PEMT: variants seen among roughly 807,000 people sequenced by gnomAD.
The protein encoded by PEMT is phosphatidylethanolamine N-methyltransferase.
PEMT carries 23 observed loss-of-function variants against 27.4 expected under a neutral mutation model. The observed-to-expected ratio is 0.84, with a 90% CI of 0.60 to 1.19. The LOEUF (loss-of-function observed/expected upper bound fraction) is 1.19. Among genes scored for constraint, PEMT ranks in the 50% most tolerant of loss-of-function variants. The pLI, the probability that PEMT is intolerant of heterozygous loss-of-function variation, is 0.00. For synonymous variants in PEMT, 137 were observed against 139.1 expected, an observed-to-expected ratio of 0.98 and a Z score of 0.11; for missense variants, 307 against 310.1, an observed-to-expected ratio of 0.99 and a Z score of 0.07.
chr17:17,530,493 C>CA lies in PEMT; in HGVS notation c.205-8099dup, dbSNP rs202047141. ...CTGGGTGACAGAGAGACTCCGTCTC[C>CA]AAAAAAAAAGAGAGAGAACAAAGGA... is the stretch of plus-strand genomic sequence containing the variant. On this transcript the variant is annotated intron_variant, in intron 2 of 6. Transcript: ENST00000255389. 4.3e-3 allele frequency among the ~76,000 whole-genome samples: 639 copies of CA among 148,504 alleles called. 4 individuals carry two copies. Among genetic ancestry groups the CA allele is most frequent in the Non-Finnish European group, 7.0e-3 (470 of 66,930 alleles).
chr17:17,508,672 A>G, intron 5 of PEMT: 3 of 395,008 alleles, frequency 7.6e-6, no homozygotes, highest in Admixed American at 3.3e-5. Flanking sequence ...TATGAAGCCG[A>G]GGGCAGCGCC....
At chr17:17,544,897 C>T (rs1271399209) in intron 2 of PEMT, among the ~76,000 whole-genome samples, 1 of 152,202 alleles carries the variant, frequency 6.6e-6, no homozygotes, top group Non-Finnish European at 1.5e-5. Context: ...CCAGCTGCAG[C>T]ATTCTTACCA....
intron 1 of PEMT, among the ~76,000 whole-genome samples, chr17:17,590,422 C>A (rs1264274805): frequency 1.3e-5 from 2 of 152,194 alleles, no homozygotes; most frequent in Admixed American, 6.5e-5. Context: ...CCCTCCCTCG[C>A]AGATACGGCA....
At chr17:17,559,495 C>A (rs1910312140) in intron 2 of PEMT, among the ~76,000 whole-genome samples, 1 of 152,202 alleles carries the variant, frequency 6.6e-6, no homozygotes, top group Non-Finnish European at 1.5e-5. Flanking sequence ...GCCTGGGCAC[C>A]TGTGGAGAGG....
intron 3 of PEMT, among the ~76,000 whole-genome samples, chr17:17,515,756 C>T (rs1257652606): frequency 2.4e-4 from 37 of 152,222 alleles, no homozygotes; most frequent in Non-Finnish European, 1.5e-4. Context: ...TGACCACAAG[C>T]TCCCTAACAG....
At chr17:17,509,295 C>T in intron 5 of PEMT, 139 bp downstream of exon 5, 1 of 615,744 alleles carries the variant, frequency 1.6e-6, no homozygotes, top group Non-Finnish European at 2.9e-6. Context: ...AAGGGAGAAC[C>T]AGGGCGCCTA....
intron 2 of PEMT, among the ~76,000 whole-genome samples, chr17:17,527,970 C>A (rs1246370419): frequency 6.6e-6 from 1 of 152,158 alleles, no homozygotes; most frequent in African/African-American, 2.4e-5. Context: ...CAGCCAGGAC[C>A]CCCCCACCAC....
chr17:17,583,357 C>G (rs1473444649), intron 1 of PEMT, among the ~76,000 whole-genome samples: 1 of 152,186 alleles, frequency 6.6e-6, no homozygotes, highest in Non-Finnish European at 1.5e-5. Context: ...GCCTGGGCAA[C>G]AAGAGTGAAA....
chr17:17,529,054 G>A (rs866829976), intron 2 of PEMT, among the ~76,000 whole-genome samples: 9 of 152,360 alleles, frequency 5.9e-5, no homozygotes, highest in South Asian at 4.1e-4. Context: ...GATGGGGTGT[G>A]TTTGTGGGAG....
chr17:17,525,324 G>A (rs1474641979), intron 2 of PEMT, among the ~76,000 whole-genome samples: 3 of 152,154 alleles, frequency 2.0e-5, no homozygotes, highest in Non-Finnish European at 4.4e-5. Flanking sequence ...AGGAAACCAC[G>A]CCTTGCCTCC....
At chr17:17,563,155 C>A (rs1166797992) in intron 2 of PEMT, among the ~76,000 whole-genome samples, 1 of 152,010 alleles carries the variant, frequency 6.6e-6, no homozygotes, top group East Asian at 1.9e-4. Context: ...GAAGCCCCAG[C>A]CTGAGGAGCC....
intron 2 of PEMT, among the ~76,000 whole-genome samples, chr17:17,572,602 C>A (rs908998171): frequency 2.0e-5 from 3 of 152,254 alleles, no homozygotes; most frequent in Admixed American, 6.5e-5. Context: ...CTGACCACCA[C>A]CCCTGTCTGT....
At chr17:17,560,578 G>T (rs1294181088) in intron 2 of PEMT, among the ~76,000 whole-genome samples, 4 of 152,222 alleles carry the variant, frequency 2.6e-5, no homozygotes, top group Admixed American at 1.3e-4. Flanking sequence ...CCGGGGAGGG[G>T]TTAGAGAACC....
chr17:17,528,189 T>G (rs887911233), intron 2 of PEMT, among the ~76,000 whole-genome samples: 3 of 152,186 alleles, frequency 2.0e-5, no homozygotes, highest in Admixed American at 2.0e-4. Context: ...AGCTCCAAGC[T>G]TCCTTCTGCC....
chr17:17,543,051 C>T (rs1376387643), intron 2 of PEMT, among the ~76,000 whole-genome samples: 2 of 152,240 alleles, frequency 1.3e-5, no homozygotes, highest in Non-Finnish European at 2.9e-5. Context: ...GTGTGGTTCC[C>T]AGACCAGCAG....
At chr17:17,510,967 C>A (rs982272839) in intron 4 of PEMT, among the ~76,000 whole-genome samples, 7 of 152,250 alleles carry the variant, frequency 4.6e-5, no homozygotes, top group Non-Finnish European at 1.0e-4. Flanking sequence ...TGGAAGGGCC[C>A]CTCCACAGCT....
chr17:17,531,483 C>T (rs1908085626), intron 2 of PEMT, among the ~76,000 whole-genome samples: 1 of 151,942 alleles, frequency 6.6e-6, no homozygotes, highest in Non-Finnish European at 1.5e-5. Context: ...TTAGAATACT[C>T]AAGACAACTC....
intron 2 of PEMT, among the ~76,000 whole-genome samples, chr17:17,555,890 G>A (rs1910017263): frequency 1.3e-5 from 2 of 152,214 alleles, no homozygotes; most frequent in African/African-American, 4.8e-5. Flanking sequence ...GTGGGTCCCT[G>A]GGCTTCTCCT....
chr17:17,577,093 G>A (rs1014847338), intron 1 of PEMT, 66 bp from the exon 2 acceptor site: 75 of 1,251,398 alleles, frequency 6.0e-5, no homozygotes, highest in East Asian at 1.6e-4. Flanking sequence ...CCCAGGAGTC[G>A]GAGAAAAAGT....
Sources: gnomAD v4.1 joint callset for allele counts (sites outside exome capture counted in the v4.1 genomes callset) on GRCh38, gnomAD v4.1.1 for gene constraint, MANE v1.5 for transcripts, NCBI Gene and HGNC (gene_info 2026-07-23, HGNC 2026-07-21) for gene names.